Variants in NRIP3 observed in about 807,000 individuals in gnomAD.
NRIP3 encodes the protein nuclear receptor interacting protein 3.
A neutral mutation model predicts 29.0 loss-of-function variants in NRIP3; 31 were observed. That is an observed-to-expected ratio of 1.07 (90% CI 0.80 to 1.44). The LOEUF is 1.44. Ranked by LOEUF, NRIP3 falls within the 40% of genes most tolerant of loss-of-function variation. The probability of loss-of-function intolerance (pLI) is 0.00; values close to 1 mark genes in which losing one functional copy is unlikely to be tolerated. For synonymous variants in NRIP3, 131 were observed against 118.3 expected (o/e 1.11, Z -0.70); for missense variants, 314 against 297.9 (o/e 1.05, Z -0.40).
intron 4 of NRIP3, among the ~76,000 whole-genome samples, chr11:8,984,994 G>A (rs186853367): frequency 1.3e-5 from 2 of 151,742 alleles, no homozygotes; most frequent in East Asian, 1.9e-4. Flanking sequence ...TGGGATTAAA[G>A]GTATGCGCCA....
rs374917564 is a variant in NRIP3, at chr11:8,982,447, C to CT, written c.*1097dup. On this transcript the variant is annotated 3_prime_UTR_variant, in exon 7 of 7. Transcript: ENST00000309166. ...TACTCCCTTCTATTCTGGCCTTGCT[C>CT]TTTTTTTCCCCCCATCTTTCTCTAC... is the stretch of plus-strand genomic sequence containing the variant. 3.2e-3 allele frequency: 494 copies of CT among 154,626 alleles called. 3 individuals are homozygous for CT. Among genetic ancestry groups the CT allele is most frequent in the African/African-American group, 0.011 (469 of 41,554 alleles). 9.6% of individuals were successfully genotyped at this position (154,626 alleles called of 1,614,324 possible). A position where few individuals can be genotyped will look rare whatever the true frequency, so the allele number is the denominator to read the frequency against.
intron 2 of NRIP3, 83 bp from the exon 3 acceptor site, chr11:8,987,713 T>G: frequency 9.6e-7 from 1 of 1,039,044 alleles, no homozygotes; most frequent in Non-Finnish European, 1.5e-6. Context: ...GCAGATGTCA[T>G]ATGAAAGGCA....
rs11042147 is a variant in NRIP3 at position 8,985,391 on chromosome 11, G to C, written c.562+320C>G. Among the ~76,000 whole-genome samples the C allele has an allele frequency of 0.016, 2,389 of 147,824 alleles. 77 individuals carry two copies. The East Asian group carries it at 0.16, about 10-fold the overall frequency. ...TCACCGTGTTAGCTAGGATGGTCTCGATCTCCTGACCTTGTGATCCGCCCG... is the reference window on the plus strand; with the variant it reads ...TCACCGTGTTAGCTAGGATGGTCTCCATCTCCTGACCTTGTGATCCGCCCG... On this transcript the variant is annotated intron_variant, in intron 4 of 6. Coordinates refer to ENST00000309166, the MANE Select transcript of NRIP3 (RefSeq NM_020645.3).
At chr11:8,990,204 G>C (rs888848972) in intron 1 of NRIP3, among the ~76,000 whole-genome samples, 2 of 152,030 alleles carry the variant, frequency 1.3e-5, no homozygotes, top group Admixed American at 1.3e-4. Flanking sequence ...TTACTCTACA[G>C]CCTCCTTTAA....
Position 8,989,185 on chromosome 11 carries a change from T to C in NRIP3, c.175-903A>G, listed in dbSNP as rs139242038. Among the ~76,000 whole-genome samples, 791 of 152,348 alleles carry C rather than the reference T, an allele frequency of 5.2e-3. 12 individuals carry two copies. The highest frequency in any genetic ancestry group is 0.019 in the African/African-American group (770 of 41,582). On this transcript the variant is annotated intron_variant, in intron 1 of 6. Transcript: ENST00000309166. ...AGCTTAGGAGAGTTCCTAGGGCAGA[T>C]ATAATCATGCTCCACTGTTTCTATT...
chr11:9,002,402 T>A (rs1479905224), intron 1 of NRIP3, among the ~76,000 whole-genome samples: 1 of 151,808 alleles, frequency 6.6e-6, no homozygotes, highest in Non-Finnish European at 1.5e-5. Flanking sequence ...ATAAATCAGA[T>A]AAACTATCCT....
intron 1 of NRIP3, among the ~76,000 whole-genome samples, chr11:8,992,618 C>A (rs1356501129): frequency 6.6e-6 from 1 of 152,068 alleles, no homozygotes; most frequent in Admixed American, 6.5e-5. Flanking sequence ...ATAATGCCTT[C>A]AAAAATCTGG....
rs1160281073 is a variant in NRIP3, at chr11:8,983,239, G to T, written c.*306C>A. 2 of 483,284 alleles carry T rather than the reference G, an allele frequency of 4.1e-6. No homozygotes were observed. Among genetic ancestry groups the T allele is most frequent in the Middle Eastern group, 5.6e-4 (1 of 1,790 alleles). 29.9% of individuals were successfully genotyped at this position (483,284 alleles called of 1,614,324 possible). A position where few individuals can be genotyped will look rare whatever the true frequency, so the allele number is the denominator to read the frequency against. On this transcript the variant is annotated 3_prime_UTR_variant, in exon 7 of 7. Coordinates refer to ENST00000309166, the MANE Select transcript of NRIP3 (RefSeq NM_020645.3). Reference sequence around the variant, plus strand: ...ACAGAACCTGGCAGCCCCTATACTTGACTAATAAAAGCAAATTCCTGGAAG... The same window carrying T: ...ACAGAACCTGGCAGCCCCTATACTTTACTAATAAAAGCAAATTCCTGGAAG...
intron 6 of NRIP3, 133 bp from the exon 7 acceptor site, chr11:8,983,693 G>C (rs1456880749): frequency 1.2e-5 from 11 of 921,890 alleles, no homozygotes; most frequent in Non-Finnish European, 1.9e-5. Context: ...TGCTCATTCT[G>C]ATGTGTGCAC....
At chr11:8,986,290 T>C (rs572374781) in intron 3 of NRIP3, among the ~76,000 whole-genome samples, 8 of 152,368 alleles carry the variant, frequency 5.3e-5, no homozygotes, top group Admixed American at 2.0e-4. Flanking sequence ...TATTTCACTC[T>C]GTCTTCATCA....
intron 1 of NRIP3, among the ~76,000 whole-genome samples, chr11:9,001,990 C>T (rs1297210352): frequency 2.6e-5 from 4 of 152,262 alleles, no homozygotes; most frequent in Non-Finnish European, 4.4e-5. Context: ...TTGCAGCCTG[C>T]TGCCTGTGCT....
chr11:8,988,081 C>T (rs370151242), intron 2 of NRIP3, 37 bp downstream of exon 2: 159 of 1,606,528 alleles, frequency 9.9e-5, no homozygotes, highest in Non-Finnish European at 1.3e-4. Context: ...ATCCTACTTT[C>T]CAGAAAACCC....
chr11:8,990,954 G>C (rs944056367), intron 1 of NRIP3, among the ~76,000 whole-genome samples: 1 of 151,924 alleles, frequency 6.6e-6, no homozygotes, highest in African/African-American at 2.4e-5. Flanking sequence ...ACATATAAAA[G>C]ACTAATCATA....
At position 8,987,529 on chromosome 11, in the gene NRIP3, A is replaced by G. The variant is rs905796556; in HGVS notation, c.422+19T>C. On this transcript the variant is annotated intron_variant, in intron 3 of 6. Transcript: ENST00000309166. ...GTACAGTCACATCTAAGTTCCACTC[A>G]GCACAAGTGCCTACTTACCCCAATC... 1 of 1,580,004 alleles carries G rather than the reference A, an allele frequency of 6.3e-7. No homozygotes were observed. The highest frequency in any genetic ancestry group is 8.7e-7 in the Non-Finnish European group (1 of 1,148,878).
At chr11:8,999,054 C>T (rs867441217) in intron 1 of NRIP3, among the ~76,000 whole-genome samples, 34 of 152,196 alleles carry the variant, frequency 2.2e-4, no homozygotes, top group Admixed American at 6.5e-4. Flanking sequence ...CTGCCCGCCT[C>T]GGCCTCCCAA....
chr11:9,004,470 GGTCCACC>G (rs2134937792), upstream of NRIP3: 1 of 152,624 alleles, frequency 6.6e-6, no homozygotes, highest in South Asian at 2.1e-4. Flanking sequence ...GGGGCTCCAG[GGTCCACC>G]GCCCGGGCCC....
Position 9,000,245 on chromosome 11 carries a change from G to A in NRIP3, c.174+3517C>T, listed in dbSNP as rs145989454. ...GTATTCAAATAATGTTTGCTATTAC[G>A]AGGATGCAATCACGACTCTGCAAAT... On this transcript the variant is annotated intron_variant, in intron 1 of 6. Transcript: ENST00000309166. Among the ~76,000 whole-genome samples the A allele has an allele frequency of 2.2e-3, 342 of 152,210 alleles. 1 individual carries two copies. Among genetic ancestry groups the A allele is most frequent in the Non-Finnish European group, 3.8e-3 (258 of 68,012 alleles).
rs776010320 is a variant in NRIP3 at position 8,985,748 on chromosome 11, C to T, written c.525G>A (p.Leu175=). ...VGQIEHLVIT[L]GSLRLDCPAA... The stretch of plus-strand genomic sequence containing the variant: ...CTGGGCAGTCCAGGCGGAGGGAGCC[C>T]AGTGTGATCACTAGGTGCTCAATCT... Residue 175 remains leucine, a synonymous_variant, in exon 4 of 7, where the codon CTG becomes CTA. Transcript: ENST00000309166. The T allele has an allele frequency of 4.3e-6, 7 of 1,614,098 alleles. No individual in the cohort carries two copies. In the Admixed American group the frequency reaches 1.2e-4, roughly 27 times the overall value.
chr11:8,996,343 G>T (rs936667710), intron 1 of NRIP3, among the ~76,000 whole-genome samples: 1 of 137,894 alleles, frequency 7.3e-6, no homozygotes, highest in Non-Finnish European at 1.5e-5. Flanking sequence ...GTGCAGTGGC[G>T]CAATCTTGGC....
Sources: allele counts gnomAD v4.1 joint callset (sites outside exome capture counted in the v4.1 genomes callset), GRCh38; gene constraint gnomAD v4.1.1; transcripts MANE v1.5; gene names NCBI Gene and HGNC (gene_info 2026-07-23, HGNC 2026-07-21).